C5: variants seen among roughly 807,000 people sequenced by gnomAD.
C5 encodes the protein complement C5.
Under a neutral mutation model 218.8 loss-of-function variants are expected in C5, and 140 were observed. The observed-to-expected ratio is 0.64, with a 90% confidence interval of 0.56 to 0.74. The LOEUF (loss-of-function observed/expected upper bound fraction) is 0.74, where lower values mean the gene tolerates loss of function less well. Among genes scored for constraint, C5 ranks in the 30% least tolerant of loss-of-function variants. The pLI is 0.00. For synonymous variants in C5, 614 were observed against 682.3 expected (o/e 0.90, Z 1.56); for missense variants, 1,700 against 1,969.6 (o/e 0.86, Z 2.59).
intron 29 of C5, 95 bp from the exon 30 acceptor site, chr9:120,975,026 G>A (rs1267403597): frequency 2.1e-6 from 3 of 1,402,888 alleles, no homozygotes; most frequent in Non-Finnish European, 1.0e-6. Context: ...GGGCAGCATT[G>A]TCTGGAGATG....
At chr9:121,042,107 A>C (rs1287462766) in intron 3 of C5, among the ~76,000 whole-genome samples, 1 of 152,214 alleles carries the variant, frequency 6.6e-6, no homozygotes, top group East Asian at 1.9e-4. Flanking sequence ...TCATTAATGA[A>C]ATTCCATAGC....
At chr9:121,047,697 T>G (rs2047639776) in intron 1 of C5, among the ~76,000 whole-genome samples, 1 of 152,188 alleles carries the variant, frequency 6.6e-6, no homozygotes, top group African/African-American at 2.4e-5. Flanking sequence ...AATTAAATCC[T>G]TTAAAGCATC....
At chr9:121,015,307 T>A in intron 15 of C5, 46 bp from the exon 16 acceptor site, 2 of 1,323,896 alleles carry the variant, frequency 1.5e-6, no homozygotes, top group Non-Finnish European at 2.2e-6. Context: ...AAAAAGGAGA[T>A]AAAATCTCAA....
At chr9:120,968,938 T>C in intron 33 of C5, 123 bp downstream of exon 33, 1 of 829,496 alleles carries the variant, frequency 1.2e-6, no homozygotes. Context: ...TTCTGCATTT[T>C]TAAACAATTG....
intron 25 of C5, among the ~76,000 whole-genome samples, chr9:120,983,873 C>T (rs2047013661): frequency 6.6e-6 from 1 of 152,110 alleles, no homozygotes. Flanking sequence ...TGTCCCCCTC[C>T]ACCTCCCAAC....
chr9:121,070,384 GATATATATAT>G, the C5 span, among the ~76,000 whole-genome samples: 256 of 72,874 alleles, frequency 3.5e-3, 4 homozygotes, highest in South Asian at 0.014. Flanking sequence ...AAGGAAGGGT[GATATATATAT>G]ATATATATAT....
the C5 span, among the ~76,000 whole-genome samples, chr9:121,062,273 T>C: frequency 6.6e-6 from 1 of 152,340 alleles, no homozygotes; most frequent in South Asian, 2.1e-4. Context: ...TCACAGGGTA[T>C]TGTGAATGCT....
intron 12 of C5, among the ~76,000 whole-genome samples, chr9:121,018,746 G>A (rs13296196): frequency 0.22 from 6,329 of 29,342 alleles, 429 homozygotes; most frequent in South Asian, 0.46. Context: ...GGAAGGAAAG[G>A]AAGGAAGGAA....
chr9:121,015,781 T>C (rs1355740011), intron 15 of C5, among the ~76,000 whole-genome samples: 1 of 152,208 alleles, frequency 6.6e-6, no homozygotes, highest in Non-Finnish European at 1.5e-5. Flanking sequence ...CACAATGCTG[T>C]TCTATAACTT....
At chr9:121,014,853 A>C (rs2047292966) in intron 16 of C5, among the ~76,000 whole-genome samples, 1 of 152,180 alleles carries the variant, frequency 6.6e-6, no homozygotes, top group Non-Finnish European at 1.5e-5. Flanking sequence ...GTATATCCCC[A>C]AAATAGTCAA....
At chr9:120,959,232 A>ATTTCTTTCTTTC (rs36185563) in intron 38 of C5, among the ~76,000 whole-genome samples, 39 of 144,830 alleles carry the variant, frequency 2.7e-4, no homozygotes, top group East Asian at 2.2e-3. Context: ...CACCCTTCAA[A>ATTTCTTTCTTTC]TTTCTTTCTT....
chr9:120,960,199 T>G (rs1229646568), intron 38 of C5, 49 bp downstream of exon 38: 2 of 1,147,558 alleles, frequency 1.7e-6, no homozygotes, highest in East Asian at 4.7e-5. Context: ...TGAACACATA[T>G]TCATAAAATT....
chr9:120,969,006 G>T lies in C5; in HGVS notation c.4220+55C>A, dbSNP rs576202900. ...TTGAAAATATGTAAAGAAACAATAC[G>T]TTAACAAAAATGAGAACTTGGAGTC... On this transcript the variant is annotated intron_variant, in intron 33 of 40. Transcript: ENST00000223642. 4 of 1,434,272 alleles carry T rather than the reference G, an allele frequency of 2.8e-6. No individual in the cohort carries two copies. The African/African-American group carries it at 5.6e-5, about 20-fold the overall frequency. 88.8% of individuals were successfully genotyped at this position (1,434,272 alleles called of 1,614,324 possible). A position where few individuals can be genotyped will look rare whatever the true frequency, so the allele number is the denominator to read the frequency against.
the C5 span, among the ~76,000 whole-genome samples, chr9:121,068,759 T>C: frequency 1.1e-3 from 168 of 152,278 alleles, no homozygotes; most frequent in African/African-American, 3.7e-3. Context: ...CAAAATAGCA[T>C]GATATTGTCA....
chr9:121,009,569 C>T (rs984527829), intron 17 of C5, among the ~76,000 whole-genome samples: 5 of 152,034 alleles, frequency 3.3e-5, no homozygotes, highest in South Asian at 2.1e-4. Flanking sequence ...AATTGAAAAA[C>T]GAAAAAATAT....
chr9:121,006,950 A>C lies in C5; in HGVS notation c.2376T>G (p.Asp792Glu). ...CTTGAATTTCCCAGGTGGTTAGAGA[A>C]TCAGGTAGGGCAAACTGCAACTGTT... is the stretch of plus-strand genomic sequence containing the variant. Reference protein sequence around the residue: ...RRKQLQFALPDSLTTWEIQGV... With the variant: ...RRKQLQFALPESLTTWEIQGV... The change falls in exon 19 of 41, where the codon GAT becomes GAG. Residue 792 changes from aspartate to glutamate, a missense_variant. Transcript: ENST00000223642. 1 of 1,613,050 alleles carries C rather than the reference A, an allele frequency of 6.2e-7. No individual in the cohort carries two copies. The highest frequency in any genetic ancestry group is 8.5e-7 in the Non-Finnish European group (1 of 1,179,042).
At chr9:120,976,959 T>C in intron 28 of C5, 54 bp from the exon 29 acceptor site, 1 of 1,475,422 alleles carries the variant, frequency 6.8e-7, no homozygotes, top group Non-Finnish European at 9.5e-7. Flanking sequence ...GAATTTGACA[T>C]AATAATTCTA....
chr9:120,969,018 G>A (rs1468147633), intron 33 of C5, 43 bp downstream of exon 33: 1 of 1,512,852 alleles, frequency 6.6e-7, no homozygotes, highest in Non-Finnish European at 9.2e-7. Context: ...TAACAAAAAT[G>A]AGAACTTGGA....
At chr9:120,974,654 GGACATAGCT>G in intron 30 of C5, 116 bp downstream of exon 30, 1 of 926,708 alleles carries the variant, frequency 1.1e-6, no homozygotes, top group Non-Finnish European at 1.8e-6. Context: ...TCCCTGTTTA[GGACATAGCT>G]GACACTCAAT....
Sources: gnomAD v4.1 joint callset for allele counts (sites outside exome capture counted in the v4.1 genomes callset) on GRCh38, gnomAD v4.1.1 for gene constraint, MANE v1.5 for transcripts, NCBI Gene and HGNC (gene_info 2026-07-23, HGNC 2026-07-21) for gene names.